PEX14: variants seen among roughly 807,000 people sequenced by gnomAD.
PEX14 encodes peroxisomal biogenesis factor 14, also known as peroxisomal membrane protein PEX14.
Under a neutral mutation model 49.5 loss-of-function variants are expected in PEX14, and 15 were observed. That is an observed-to-expected ratio of 0.30 (90% CI 0.20 to 0.47). PEX14 has a LOEUF of 0.47. Among genes scored for constraint, PEX14 ranks in the 20% least tolerant of loss-of-function variants. The pLI is 1.00. For synonymous variants in PEX14, 210 were observed against 212.7 expected (o/e 0.99, Z 0.11); for missense variants, 398 against 494.8 (o/e 0.80, Z 1.86).
intron 2 of PEX14, among the ~76,000 whole-genome samples, chr1:10,508,600 G>A (rs1280246083): frequency 3.9e-5 from 6 of 152,166 alleles, no homozygotes; most frequent in Non-Finnish European, 7.4e-5. Flanking sequence ...ACCTCCTACT[G>A]TGCCCTCTGA....
At chr1:10,511,024 G>A (rs553504771) in intron 2 of PEX14, among the ~76,000 whole-genome samples, 4 of 152,112 alleles carry the variant, frequency 2.6e-5, no homozygotes, top group Non-Finnish European at 5.9e-5. Flanking sequence ...CCACCTCCTC[G>A]TTCTCCACAT....
intron 3 of PEX14, among the ~76,000 whole-genome samples, chr1:10,556,421 C>T (rs548194407): frequency 3.3e-5 from 5 of 152,266 alleles, no homozygotes; most frequent in African/African-American, 1.2e-4. Context: ...GTTCTTTTTC[C>T]TCTCACGCAC....
At chr1:10,592,334 T>C (rs1640692788) in intron 3 of PEX14, among the ~76,000 whole-genome samples, 1 of 152,198 alleles carries the variant, frequency 6.6e-6, no homozygotes, top group Non-Finnish European at 1.5e-5. Context: ...TTTGTCCTGC[T>C]ATTAATCCTC....
intron 3 of PEX14, among the ~76,000 whole-genome samples, chr1:10,577,973 AT>A (rs1356538022): frequency 6.6e-6 from 1 of 151,862 alleles, no homozygotes; most frequent in African/African-American, 2.4e-5. Context: ...AGCCACCTTT[AT>A]AAGGCTTTTT....
chr1:10,598,821 ATAAT>A (rs1640899784), intron 3 of PEX14, among the ~76,000 whole-genome samples: 1 of 151,950 alleles, frequency 6.6e-6, no homozygotes, highest in East Asian at 1.9e-4. Context: ...GTCTCACCCA[ATAAT>A]TAGTTTTTTG....
chr1:10,610,410 C>G (rs866853195), intron 4 of PEX14, among the ~76,000 whole-genome samples: 1 of 116,018 alleles, frequency 8.6e-6, no homozygotes, highest in Non-Finnish European at 2.0e-5. Flanking sequence ...TATATATATA[C>G]ACAGAGAGAG....
At chr1:10,511,880 T>A (rs532823460) in intron 2 of PEX14, among the ~76,000 whole-genome samples, 4 of 152,284 alleles carry the variant, frequency 2.6e-5, no homozygotes, top group African/African-American at 9.6e-5. Context: ...GAGGCTTGAT[T>A]GTGTTAACCT....
chr1:10,509,565 C>A (rs1205269836), intron 2 of PEX14, among the ~76,000 whole-genome samples: 1 of 152,156 alleles, frequency 6.6e-6, no homozygotes, highest in Non-Finnish European at 1.5e-5. Context: ...TCTCCCCTTC[C>A]TCTCTGCTTG....
chr1:10,591,160 C>T (rs1256317556), intron 3 of PEX14, among the ~76,000 whole-genome samples: 1 of 152,180 alleles, frequency 6.6e-6, no homozygotes, highest in Non-Finnish European at 1.5e-5. Context: ...GAAACATTTC[C>T]ATTGGTGAAG....
intron 1 of PEX14, among the ~76,000 whole-genome samples, chr1:10,493,491 G>C (rs1230707996): frequency 2.0e-5 from 3 of 152,096 alleles, no homozygotes; most frequent in Non-Finnish European, 2.9e-5. Context: ...GCAGTGGTGT[G>C]ATCATGGTGT....
chr1:10,567,044 A>G (rs914702007), intron 3 of PEX14, among the ~76,000 whole-genome samples: 3 of 152,220 alleles, frequency 2.0e-5, no homozygotes, highest in African/African-American at 7.2e-5. Flanking sequence ...CCACTGTGGT[A>G]GCACAAAAGC....
chr1:10,589,092 A>C (rs951138140), intron 3 of PEX14, among the ~76,000 whole-genome samples: 1 of 152,206 alleles, frequency 6.6e-6, no homozygotes, highest in Non-Finnish European at 1.5e-5. Flanking sequence ...TTTAAACATT[A>C]ATTTTAAAAA....
intron 4 of PEX14, among the ~76,000 whole-genome samples, chr1:10,611,204 A>G (rs1012096236): frequency 2.0e-5 from 3 of 152,148 alleles, no homozygotes; most frequent in Non-Finnish European, 4.4e-5. Flanking sequence ...TACAGGTTGC[A>G]GTGAGCTGAG....
At chr1:10,506,975 C>G (rs200252919) in intron 2 of PEX14, among the ~76,000 whole-genome samples, 1 of 152,198 alleles carries the variant, frequency 6.6e-6, no homozygotes, top group Non-Finnish European at 1.5e-5. Flanking sequence ...TTTTGATTCC[C>G]TGCTTTAACT....
intron 3 of PEX14, among the ~76,000 whole-genome samples, chr1:10,537,493 GCT>G (rs1638854629): frequency 1.3e-5 from 2 of 152,058 alleles, no homozygotes; most frequent in South Asian, 4.1e-4. Context: ...AGGGATTTCA[GCT>G]CTCTCATCAA....
chr1:10,475,127 C>T (rs1641171448), intron 1 of PEX14, 125 bp downstream of exon 1: 1 of 866,676 alleles, frequency 1.2e-6, no homozygotes. Flanking sequence ...CCTCTTGCCC[C>T]CTCCTGAGCC....
intron 2 of PEX14, among the ~76,000 whole-genome samples, chr1:10,507,352 G>A (rs1570171899): frequency 6.6e-6 from 1 of 152,262 alleles, no homozygotes. Context: ...TTCAGCCGAT[G>A]CTCAGTGCTG....
chr1:10,499,955 G>T (rs192102065), intron 2 of PEX14, among the ~76,000 whole-genome samples: 4 of 152,174 alleles, frequency 2.6e-5, no homozygotes, highest in Non-Finnish European at 5.9e-5. Flanking sequence ...TGTCCAGGGG[G>T]TTCTACATCA....
intron 5 of PEX14, among the ~76,000 whole-genome samples, chr1:10,618,666 A>G (rs901717783): frequency 2.0e-5 from 3 of 152,208 alleles, no homozygotes; most frequent in Non-Finnish European, 4.4e-5. Flanking sequence ...CTCCACTTGC[A>G]GGGGCGTCGT....
Sources: allele counts gnomAD v4.1 joint callset (sites outside exome capture counted in the v4.1 genomes callset), GRCh38; gene constraint gnomAD v4.1.1; transcripts MANE v1.5; gene names NCBI Gene and HGNC (gene_info 2026-07-23, HGNC 2026-07-21).